CCDC187: variants seen among roughly 807,000 people sequenced by gnomAD.
CCDC187 encodes coiled-coil domain-containing protein 187.
A neutral mutation model predicts 38.0 loss-of-function variants in CCDC187; 32 were observed. That is an observed-to-expected ratio of 0.84 (90% CI 0.64 to 1.13). CCDC187 has a LOEUF of 1.13. Ranked by LOEUF, CCDC187 falls within the 50% of genes most tolerant of loss-of-function variation. The pLI is 0.00. For synonymous variants in CCDC187, 333 were observed against 347.9 expected, an observed-to-expected ratio of 0.96 and a Z score of 0.48; for missense variants, 707 against 786.8, an observed-to-expected ratio of 0.90 and a Z score of 1.21.
chr9:136,289,875 G>T, intron 7 of CCDC187, 84 bp downstream of exon 7: 1 of 395,218 alleles, frequency 2.5e-6, no homozygotes, highest in Non-Finnish European at 4.5e-6. Flanking sequence ...AATGTCACGA[G>T]GGCCCCAGAA....
At position 136,291,001 on chromosome 9, in the gene CCDC187, G is replaced by T. The variant is rs958914592; in HGVS notation, c.1612C>A (p.Gln538Lys). 5.8e-5 allele frequency: 23 copies of T among 398,568 alleles called. No homozygotes were observed. Among genetic ancestry groups the T allele is most frequent in the Admixed American group, 5.7e-4 (13 of 22,722 alleles). 24.7% of individuals were successfully genotyped at this position (398,568 alleles called of 1,614,324 possible). Residue 538 changes from glutamine (Q) to lysine (K), a missense_variant, in exon 6 of 26, where the codon CAG (glutamine) becomes AAG (lysine). Transcript: ENST00000638797. ...PQQPWSAVATQPCPRRAWTAC... is the reference protein window; with the variant it reads ...PQQPWSAVATKPCPRRAWTAC... ...GTCCAGGCCCTCCGTGGACAGGGCTGTGTGGCTACAGCACTCCAGGGCTGC... is the reference window on the plus strand; with the variant it reads ...GTCCAGGCCCTCCGTGGACAGGGCTTTGTGGCTACAGCACTCCAGGGCTGC...
rs1022137616 is a variant in CCDC187 at position 136,291,609 on chromosome 9, G to T, written c.1004C>A (p.Pro335Gln). ...GGCATCGGGCAACTGGGCACAAACC[G>T]GTGAGCACTTGGCAGCTATGACTTT... is the stretch of plus-strand genomic sequence containing the variant. ...SEKVIAAKCS[P>Q]VCAQLPDATS... is the part of the protein sequence containing the mutation. Residue 335 changes from proline (P) to glutamine (Q), a missense_variant, in exon 6 of 26, where the codon CCG (proline) becomes CAG (glutamine). By Grantham distance (76) the Pro-to-Gln change is moderately conservative. Transcript: ENST00000638797. The T allele has an allele frequency of 7.5e-6, 3 of 398,664 alleles. No homozygotes were observed. Among genetic ancestry groups the T allele is most frequent in the African/African-American group, 4.1e-5 (2 of 48,648 alleles). 24.7% of individuals were successfully genotyped at this position (398,664 alleles called of 1,614,324 possible).
At position 136,292,190 on chromosome 9, in the gene CCDC187, G is replaced by A. The variant is rs1238827758; in HGVS notation, c.938C>T (p.Ser313Leu). ...GTCCACGGTGAGAGCCGGGTCTCTCGAGGGATCCTTGCTATGGTGCCTGCG... is the reference window on the plus strand; with the variant it reads ...GTCCACGGTGAGAGCCGGGTCTCTCAAGGGATCCTTGCTATGGTGCCTGCG... ...VLRRHHSKDPSRDPALTVDLG... is the reference protein window; with the variant it reads ...VLRRHHSKDPLRDPALTVDLG... Residue 313 changes from serine to leucine, a missense_variant, in exon 5 of 26, where the codon TCG becomes TTG. Transcript: ENST00000638797. The A allele has an allele frequency of 6.3e-5, 25 of 398,758 alleles. 2 individuals are homozygous for A. Among genetic ancestry groups the A allele is most frequent in the Admixed American group, 4.0e-4 (9 of 22,740 alleles). The allele number at this position is 398,758 out of a possible 1,614,324, so 24.7% of individuals were successfully genotyped here. A position where few individuals can be genotyped will look rare whatever the true frequency, so the allele number is the denominator to read the frequency against.
chr9:136,285,684 G>T lies in CCDC187; in HGVS notation c.2834-78C>A, dbSNP rs1033029949. 4.5e-5 allele frequency: 18 copies of T among 399,080 alleles called. No individual in the cohort carries two copies. In the East Asian group the frequency reaches 6.4e-4, roughly 14 times the overall value. The allele number at this position is 399,080 out of a possible 1,614,324, so 24.7% of individuals were successfully genotyped here. Reference sequence around the variant, plus strand: ...CGGGGGACCCAAGCCATCACAGCAGGAGAGGAGCCTGAGACACACCTGACA... The same window carrying T: ...CGGGGGACCCAAGCCATCACAGCAGTAGAGGAGCCTGAGACACACCTGACA... On this transcript the variant is annotated intron_variant, in intron 8 of 25. Transcript: ENST00000638797.
Position 136,291,141 on chromosome 9 carries a change from C to T in CCDC187, c.1472G>A (p.Trp491Ter), listed in dbSNP as rs1831318288. The change falls in exon 6 of 26, where the codon TGG becomes TAG. Residue 491 changes from tryptophan (W) to a stop codon, truncating the protein, a stop_gained. Transcript: ENST00000638797. LOFTEE classifies it high-confidence loss of function. ...ERLGHFSQRP[W>*]SALAGQACSP... is the part of the protein sequence containing the mutation. ...GCAGGCCTGCCCAGCCAGTGCACTC[C>T]AGGGCCTCTGGGAGAAGTGGCCCAA... is the stretch of plus-strand genomic sequence containing the variant. 1 of 398,600 alleles carries T rather than the reference C, an allele frequency of 2.5e-6. No homozygotes were observed. 24.7% of individuals were successfully genotyped at this position (398,600 alleles called of 1,614,324 possible). A position where few individuals can be genotyped will look rare whatever the true frequency, so the allele number is the denominator to read the frequency against.
chr9:136,273,457 A>T (rs1279902220), intron 14 of CCDC187, among the ~76,000 whole-genome samples: 2 of 152,250 alleles, frequency 1.3e-5, no homozygotes, highest in Non-Finnish European at 2.9e-5. Flanking sequence ...GGGTGAGTTC[A>T]TCAAGAGCAC....
intron 16 of CCDC187, 121 bp downstream of exon 16, chr9:136,267,263 G>A: frequency 1.6e-6 from 1 of 630,302 alleles, no homozygotes; most frequent in Non-Finnish European, 2.0e-6. Flanking sequence ...TTCTCAAAAC[G>A]CTGTCGGGGC....
Position 136,258,793 on chromosome 9 carries a change from G to T in CCDC187, c.4366+139C>A, listed in dbSNP as rs1271991552. The T allele has an allele frequency of 1.0e-5, 10 of 985,378 alleles. No homozygotes were observed. The highest frequency in any genetic ancestry group is 1.1e-5 in the Non-Finnish European group (9 of 829,980). The allele number at this position is 985,378 out of a possible 1,614,324, so 61.0% of individuals were successfully genotyped here. ...TGCAGTGAAGGGGTCTGAGGCCAGGGTGGGGGGCCACCAGGGCCCATCTTC... is the reference window on the plus strand; with the variant it reads ...TGCAGTGAAGGGGTCTGAGGCCAGGTTGGGGGGCCACCAGGGCCCATCTTC... On this transcript the variant is annotated intron_variant, in intron 22 of 25. Transcript: ENST00000638797. The surrounding 1 kb of genome is among the most constrained non-coding windows in gnomAD (Gnocchi z 4.3).
At chr9:136,269,283 TA>T (rs1296795866) in intron 14 of CCDC187, among the ~76,000 whole-genome samples, 1 of 152,204 alleles carries the variant, frequency 6.6e-6, no homozygotes, top group Non-Finnish European at 1.5e-5. Context: ...CAGATCGACC[TA>T]ACACACTATT....
In CCDC187 at chr9:136,256,216, C is replaced by T. The variant is rs1256835333; in HGVS notation, c.4611G>A (p.Glu1537=). 1 of 985,590 alleles carries T rather than the reference C, an allele frequency of 1.0e-6. No individual in the cohort carries two copies. The highest frequency in any genetic ancestry group is 1.7e-5 in the African/African-American group (1 of 57,360). The allele number at this position is 985,590 out of a possible 1,614,324, so 61.1% of individuals were successfully genotyped here. Residue 1537 remains glutamate (E), a synonymous_variant, in exon 24 of 26, where the codon GAG becomes GAA. Coordinates refer to ENST00000638797, the MANE Select transcript of CCDC187 (RefSeq NM_001378188.1). The part of the protein sequence containing the change: ...SQETESWRSG[E]QRTEACQQEV... ...CAGGGAGCTCAGCCCCACACCTCTGCTCCCCCGATCGCCAGCTCTCGGTTT... is the reference window on the plus strand; with the variant it reads ...CAGGGAGCTCAGCCCCACACCTCTGTTCCCCCGATCGCCAGCTCTCGGTTT...
chr9:136,263,065 C>T (rs953819552), intron 18 of CCDC187, among the ~76,000 whole-genome samples: 1 of 151,904 alleles, frequency 6.6e-6, no homozygotes, highest in Non-Finnish European at 1.5e-5. Flanking sequence ...CCCAGTCCTG[C>T]TTATCCTCCC....
chr9:136,287,261 C>T (rs943447272), intron 7 of CCDC187, among the ~76,000 whole-genome samples: 4 of 152,130 alleles, frequency 2.6e-5, no homozygotes, highest in South Asian at 2.1e-4. Flanking sequence ...GAAACTGGCC[C>T]GATGGTCCCC....
intron 10 of CCDC187, among the ~76,000 whole-genome samples, chr9:136,277,456 G>A (rs1265920107): frequency 5.3e-4 from 52 of 98,320 alleles, no homozygotes; most frequent in African/African-American, 1.7e-3. Flanking sequence ...TGGGGTGGGC[G>A]GGTGCTGACA....
chr9:136,254,766 C>T lies in CCDC187; in HGVS notation c.5062G>A (p.Gly1688Ser). The T allele has an allele frequency of 1.0e-6, 1 of 985,536 alleles. No individual in the cohort carries two copies. Among genetic ancestry groups the T allele is most frequent in the South Asian group, 4.7e-5 (1 of 21,288 alleles). The allele number at this position is 985,536 out of a possible 1,614,324, so 61.0% of individuals were successfully genotyped here. The change falls in exon 26 of 26, where the codon GGT becomes AGT. Residue 1688 changes from glycine to serine, a missense_variant. Physicochemically the swap from Gly to Ser is moderately conservative, Grantham distance 56 (BLOSUM62 0). Transcript: ENST00000638797. ...GLPLSWRSNQ[G>S]EPRPGSAPGG... ...GGAGCACTGCCTGGCCGAGGCTCAC[C>T]CTGGTTTGACCGCCAGGACAAAGGC...
chr9:136,298,421 T>C (rs2131351774), intron 3 of CCDC187, among the ~76,000 whole-genome samples: 1 of 151,342 alleles, frequency 6.6e-6, no homozygotes, highest in Admixed American at 6.6e-5. Context: ...CCGCAGCGAG[T>C]GCAGCGGCCA....
chr9:136,278,547 C>T (rs2131231454), intron 10 of CCDC187, among the ~76,000 whole-genome samples: 1 of 152,332 alleles, frequency 6.6e-6, no homozygotes, highest in East Asian at 1.9e-4. Flanking sequence ...CCCCAAAGTC[C>T]CTGGTAGCTG....
intron 10 of CCDC187, chr9:136,281,077 CCAGCCAGGAGGGTCCTACAGCG>C: frequency 4.1e-6 from 1 of 244,152 alleles, no homozygotes; most frequent in Non-Finnish European, 7.8e-6. Flanking sequence ...GCCAAGCCCC[CCAGCCAGGAGGGTCCTACAGCG>C]CAGCCCACGC....
intron 10 of CCDC187, among the ~76,000 whole-genome samples, chr9:136,280,737 G>A (rs2131243876): frequency 6.6e-6 from 1 of 152,298 alleles, no homozygotes; most frequent in South Asian, 2.1e-4. Context: ...CCCTGGCACT[G>A]GCCCTGCAGC....
chr9:136,284,702 G>A (rs1831130496), intron 9 of CCDC187, among the ~76,000 whole-genome samples: 1 of 149,946 alleles, frequency 6.7e-6, no homozygotes. Context: ...TGGGCTCGGA[G>A]GAAGATTTTT....
Sources: gnomAD v4.1 joint callset for allele counts (sites outside exome capture counted in the v4.1 genomes callset) on GRCh38, gnomAD v4.1.1 for gene constraint, Gnocchi (gnomAD v3.1) non-coding constraint, MANE v1.5 for transcripts, NCBI Gene and HGNC (gene_info 2026-07-23, HGNC 2026-07-21) for gene names.